The following SLC44A1 variants were observed in gnomAD, a reference collection of about 807,000 sequenced individuals.
SLC44A1 encodes choline transporter-like protein 1.
In SLC44A1, 26 loss-of-function variants were observed where a neutral mutation model predicts 79.3. The observed-to-expected ratio is 0.33, with a 90% confidence interval of 0.24 to 0.46. The LOEUF (loss-of-function observed/expected upper bound fraction) is 0.46. SLC44A1 is among the 20% of genes least tolerant of loss of function. The pLI is 1.00. For missense variants in SLC44A1, 688 were observed against 798.1 expected (o/e 0.86, Z 1.66); for synonymous variants, 263 against 286.2 (o/e 0.92, Z 0.82).
intron 1 of SLC44A1, among the ~76,000 whole-genome samples, chr9:105,268,503 C>T (rs377032324): frequency 6.6e-6 from 1 of 152,062 alleles, no homozygotes; most frequent in East Asian, 1.9e-4. Context: ...TCTATTTTAA[C>T]GATCTTCTTT....
chr9:105,336,274 G>A (rs1438237762), intron 4 of SLC44A1, among the ~76,000 whole-genome samples: 2 of 151,690 alleles, frequency 1.3e-5, no homozygotes, highest in East Asian at 1.9e-4. Context: ...TCAATGAGTC[G>A]GTGTGTATAT....
intron 12 of SLC44A1, 109 bp downstream of exon 12, chr9:105,366,538 G>T: frequency 2.0e-6 from 1 of 491,996 alleles, no homozygotes; most frequent in South Asian, 4.3e-5. Context: ...TTGTGGTATT[G>T]TACATTGTGC....
chr9:105,370,710 A>G (rs1198335750), intron 12 of SLC44A1, among the ~76,000 whole-genome samples: 1 of 152,334 alleles, frequency 6.6e-6, no homozygotes, highest in East Asian at 1.9e-4. Context: ...TGATGATAAC[A>G]GAGGAGAGAG....
chr9:105,325,014 G>T (rs771195725), intron 3 of SLC44A1, among the ~76,000 whole-genome samples: 1 of 152,050 alleles, frequency 6.6e-6, no homozygotes, highest in South Asian at 2.1e-4. Flanking sequence ...CTACCCAAGA[G>T]AACTAAAAAC....
intron 15 of SLC44A1, among the ~76,000 whole-genome samples, chr9:105,437,146 T>C (rs2131530657): frequency 6.6e-6 from 1 of 152,264 alleles, no homozygotes; most frequent in South Asian, 2.1e-4. Flanking sequence ...GATTTTAAAC[T>C]TATAGAAATG....
At position 105,394,356 on chromosome 9, in the gene SLC44A1, G is replaced by T. The variant is rs1245765027; in HGVS notation, c.*5300G>T. On this transcript the variant is annotated 3_prime_UTR_variant, in exon 16 of 16. Transcript: ENST00000374720. ...CCACACTAATCTGAAGGAATAACAA[G>T]ATGATCAACACTGAATCTTCATGAC... 1.0e-6 allele frequency: 1 copy of T among 984,998 alleles called. No individual in the cohort carries two copies. Among genetic ancestry groups the T allele is most frequent in the East Asian group, 1.1e-4 (1 of 8,806 alleles). 61.0% of individuals were successfully genotyped at this position (984,998 alleles called of 1,614,324 possible).
In SLC44A1 at chr9:105,438,213, TG is replaced by T. The variant is rs1360792067; in HGVS notation, c.1951-67del. On this transcript the variant is annotated intron_variant, in intron 15 of 15. Transcript: ENST00000374724. ...ACGATCCCACACTATTTCTAGTTAT[TG>T]ATTACTTCTCATTGTGTCATGTTCC... The T allele has an allele frequency of 1.2e-5, 16 of 1,337,480 alleles. No homozygotes were observed. In the African/African-American group the frequency reaches 2.3e-4, roughly 19 times the overall value. The allele number at this position is 1,337,480 out of a possible 1,614,324, so 82.9% of individuals were successfully genotyped here. A position where few individuals can be genotyped will look rare whatever the true frequency, so the allele number is the denominator to read the frequency against.
intron 5 of SLC44A1, among the ~76,000 whole-genome samples, chr9:105,352,310 T>A (rs1435915185): frequency 6.6e-6 from 1 of 152,126 alleles, no homozygotes; most frequent in Non-Finnish European, 1.5e-5. Flanking sequence ...CTAGAGTAAT[T>A]ATATGAGATG....
At chr9:105,408,920 A>G (rs1011485685) in intron 15 of SLC44A1, among the ~76,000 whole-genome samples, 2 of 152,226 alleles carry the variant, frequency 1.3e-5, no homozygotes, top group Non-Finnish European at 2.9e-5. Flanking sequence ...TAAATTTAGG[A>G]TGTTAATTAT....
intron 1 of SLC44A1, among the ~76,000 whole-genome samples, chr9:105,257,650 G>A (rs776822938): frequency 5.3e-5 from 8 of 152,228 alleles, no homozygotes; most frequent in Non-Finnish European, 1.0e-4. Flanking sequence ...GGAAAGAATA[G>A]TTGGGGAGTT....
At chr9:105,293,648 A>T (rs1435406793) in intron 1 of SLC44A1, among the ~76,000 whole-genome samples, 1 of 152,124 alleles carries the variant, frequency 6.6e-6, no homozygotes, top group South Asian at 2.1e-4. Flanking sequence ...ATCACTGTTG[A>T]TCCCTCCAGT....
chr9:105,244,782 C>T lies in SLC44A1; in HGVS notation c.-87C>T. The T allele has an allele frequency of 2.5e-6, 2 of 803,152 alleles. No individual in the cohort carries two copies. Among genetic ancestry groups the T allele is most frequent in the South Asian group, 5.9e-5 (1 of 17,070 alleles). 49.8% of individuals were successfully genotyped at this position (803,152 alleles called of 1,614,324 possible). On this transcript the variant is annotated 5_prime_UTR_variant, in exon 1 of 16. Transcript: ENST00000374720. ...GCCGTGCGGTGCCAGGCCGCGCCCTCCCCGGGCGCCCGCCGGCTCGCATGC... is the reference window on the plus strand; with the variant it reads ...GCCGTGCGGTGCCAGGCCGCGCCCTTCCCGGGCGCCCGCCGGCTCGCATGC...
intron 1 of SLC44A1, among the ~76,000 whole-genome samples, chr9:105,286,500 A>G (rs1225563676): frequency 1.3e-5 from 2 of 152,232 alleles, no homozygotes; most frequent in Admixed American, 1.3e-4. Context: ...GTCTCTTTGT[A>G]TGGTATTATG....
chr9:105,381,897 A>G (rs1310510787), intron 13 of SLC44A1, among the ~76,000 whole-genome samples: 1 of 152,186 alleles, frequency 6.6e-6, no homozygotes, highest in Non-Finnish European at 1.5e-5. Context: ...CCAAAGAAGA[A>G]TTCATGGTCT....
In SLC44A1 at chr9:105,396,840, A is replaced by T. The variant is rs559533951; in HGVS notation, c.*7784A>T. On this transcript the variant is annotated 3_prime_UTR_variant, in exon 16 of 16. Transcript: ENST00000374720. ...ACAGTTAAGCCTTCCATGAATTCAT[A>T]GTTTGGAATCATTTACCTTACCATT... 1.0e-6 allele frequency: 1 copy of T among 984,618 alleles called. No individual in the cohort carries two copies. Among genetic ancestry groups the T allele is most frequent in the African/African-American group, 1.8e-5 (1 of 57,092 alleles). The allele number at this position is 984,618 out of a possible 1,614,324, so 61.0% of individuals were successfully genotyped here.
rs1198789977 is a variant in SLC44A1, at chr9:105,288,380, G to A, written c.37-10840G>A. ...GTTTTTTGTTTTGAGACAGGGTCTC[G>A]CTCTGTCGCCCTGGCCGGGGTGCGG... On this transcript the variant is annotated intron_variant, in intron 1 of 15. Transcript: ENST00000374720. 3.3e-5 allele frequency among the ~76,000 whole-genome samples: 5 copies of A among 151,912 alleles called. No individual in the cohort carries two copies. The South Asian group carries it at 8.3e-4, about 25-fold the overall frequency.
intron 15 of SLC44A1, among the ~76,000 whole-genome samples, chr9:105,404,022 A>T (rs879627976): frequency 7.9e-5 from 12 of 152,056 alleles, no homozygotes; most frequent in Non-Finnish European, 1.5e-4. Context: ...GGAGTATGGC[A>T]TGGGGTGAGT....
In SLC44A1 at chr9:105,362,987, T is replaced by C. The variant is rs1827827914; in HGVS notation, c.1067T>C (p.Leu356Pro). 1 of 1,607,668 alleles carries C rather than the reference T, an allele frequency of 6.2e-7. No homozygotes were observed. The highest frequency in any genetic ancestry group is 1.1e-5 in the South Asian group (1 of 89,210). ...TTTTGGGTGTACTGGATCATGACAC[T>C]TCTTTTTCTTGGCACTACCGGTAAG... ...VLFWVYWIMT[L>P]LFLGTTGSPV... The change falls in exon 9 of 16, where the codon CTT becomes CCT. Residue 356 changes from leucine to proline, a missense_variant. Coordinates refer to ENST00000374720, the MANE Select transcript of SLC44A1 (RefSeq NM_080546.5).
chr9:105,245,541 C>G (rs1170976112), intron 1 of SLC44A1, among the ~76,000 whole-genome samples: 1 of 152,166 alleles, frequency 6.6e-6, no homozygotes, highest in Non-Finnish European at 1.5e-5. Flanking sequence ...GTGCCGTGAC[C>G]CGGGCCCCGC....
Sources: allele counts gnomAD v4.1 joint callset (sites outside exome capture counted in the v4.1 genomes callset), GRCh38; gene constraint gnomAD v4.1.1; transcripts MANE v1.5; gene names NCBI Gene and HGNC (gene_info 2026-07-23, HGNC 2026-07-21).